The following PDXK variants were observed in gnomAD, a reference collection of about 807,000 sequenced individuals.
PDXK encodes pyridoxal kinase.
In PDXK, 15 loss-of-function variants were observed where a neutral mutation model predicts 43.2. The observed-to-expected ratio is 0.35, with a 90% CI of 0.23 to 0.53. The LOEUF (loss-of-function observed/expected upper bound fraction) is 0.53, where lower values mean the gene tolerates loss of function less well. Among genes scored for constraint, PDXK ranks in the 20% least tolerant of loss-of-function variants. The pLI is 0.92. For synonymous variants in PDXK, 172 were observed against 165.4 expected (o/e 1.04, Z -0.31); for missense variants, 343 against 417.0 (o/e 0.82, Z 1.54).
At position 43,719,390 on chromosome 21, in the gene PDXK, C is replaced by A; in HGVS notation, c.87+9C>A. The A allele has an allele frequency of 6.6e-7, 1 of 1,519,920 alleles. No homozygotes were observed. The highest frequency in any genetic ancestry group is 8.8e-7 in the Non-Finnish European group (1 of 1,134,176). The allele number at this position is 1,519,920 out of a possible 1,614,324, so 94.2% of individuals were successfully genotyped here. ...CCACGTTCCCGCTGCAGGTACGCATCCGCCCGCAGCCCGGGCTTACGTAAC... is the reference window on the plus strand; with the variant it reads ...CCACGTTCCCGCTGCAGGTACGCATACGCCCGCAGCCCGGGCTTACGTAAC... On this transcript the variant is annotated intron_variant, in intron 1 of 10. Transcript: ENST00000291565.
chr21:43,719,551 C>CG (rs1490456343), intron 1 of PDXK, 170 bp downstream of exon 1: 9 of 965,730 alleles, frequency 9.3e-6, no homozygotes, highest in Non-Finnish European at 9.9e-6. Context: ...GCTTGGCTTG[C>CG]GGGGGCGGAA....
At chr21:43,736,438 A>G (rs980209452) in intron 2 of PDXK, among the ~76,000 whole-genome samples, 7 of 152,058 alleles carry the variant, frequency 4.6e-5, no homozygotes, top group Non-Finnish European at 1.0e-4. Context: ...AGCCGTGCGG[A>G]CACTCGGGCC....
In PDXK at chr21:43,732,633, G is replaced by A. The variant is rs1429534086; in HGVS notation, c.88-1436G>A. ...TTTGTGTCATCGTTGCTTAATATCT[G>A]TTTCTTCACAGTCGGTTAGAATTTT... On this transcript the variant is annotated intron_variant, in intron 1 of 10. Coordinates refer to ENST00000291565, the MANE Select transcript of PDXK (RefSeq NM_003681.5). This position sits in a 1 kb window ranked among gnomAD's most constrained non-coding sequence, Gnocchi z 4.1. 1.3e-6 allele frequency: 1 copy of A among 782,644 alleles called. No individual in the cohort carries two copies. The highest frequency in any genetic ancestry group is 1.3e-5 in the South Asian group (1 of 74,664). 48.5% of individuals were successfully genotyped at this position (782,644 alleles called of 1,614,324 possible). A position where few individuals can be genotyped will look rare whatever the true frequency, so the allele number is the denominator to read the frequency against.
At chr21:43,742,613 G>C (rs997850265) in intron 3 of PDXK, among the ~76,000 whole-genome samples, 1 of 152,114 alleles carries the variant, frequency 6.6e-6, no homozygotes, top group Admixed American at 6.5e-5. Flanking sequence ...ACAGGGGCTC[G>C]AACCTGTAAT....
At chr21:43,728,994 G>C (rs1164972097) in intron 1 of PDXK, 2 of 985,544 alleles carry the variant, frequency 2.0e-6, no homozygotes, top group Non-Finnish European at 2.4e-6. Flanking sequence ...GGCAGGAGAC[G>C]GGGCGCACGC....
In PDXK at chr21:43,758,133, C is replaced by G. The variant is rs1229636886; in HGVS notation, c.*2070C>G. On this transcript the variant is annotated 3_prime_UTR_variant, in exon 11 of 11. Transcript: ENST00000291565. ...CCTTCTGCCCCTGCAGTGGGTGTTACGGGCGGTGTGCCCTGGCGAGCAAGC... is the reference window on the plus strand; with the variant it reads ...CCTTCTGCCCCTGCAGTGGGTGTTAGGGGCGGTGTGCCCTGGCGAGCAAGC... 6.5e-6 allele frequency: 1 copy of G among 153,672 alleles called. No homozygotes were observed. The highest frequency in any genetic ancestry group is 1.5e-5 in the Non-Finnish European group (1 of 68,034). 9.5% of individuals were successfully genotyped at this position (153,672 alleles called of 1,614,324 possible).
intron 6 of PDXK, 127 bp downstream of exon 6, chr21:43,749,207 C>T: frequency 1.9e-6 from 1 of 523,656 alleles, no homozygotes; most frequent in South Asian, 2.2e-5. Flanking sequence ...GGGGTTCAAG[C>T]AATTCTCCTG....
chr21:43,721,274 C>A (rs959688549), intron 1 of PDXK, among the ~76,000 whole-genome samples: 1 of 152,224 alleles, frequency 6.6e-6, no homozygotes, highest in Non-Finnish European at 1.5e-5. Flanking sequence ...AGCTGCAGTT[C>A]CAAGGGGACG....
In PDXK at chr21:43,757,689, C is replaced by G. The variant is rs2083873963; in HGVS notation, c.*1626C>G. 1 of 152,186 alleles carries G rather than the reference C, an allele frequency of 6.6e-6. No individual in the cohort carries two copies. The highest frequency in any genetic ancestry group is 2.4e-5 in the African/African-American group (1 of 41,434). 9.4% of individuals were successfully genotyped at this position (152,186 alleles called of 1,614,324 possible). A position where few individuals can be genotyped will look rare whatever the true frequency, so the allele number is the denominator to read the frequency against. ...GCATCAGGGCGCCTGGCTCCCCCAC[C>G]TCAGCCAGTGAGTCAGACACGGGTT... is the stretch of plus-strand genomic sequence containing the variant. On this transcript the variant is annotated 3_prime_UTR_variant, in exon 11 of 11. Coordinates refer to ENST00000291565, the MANE Select transcript of PDXK (RefSeq NM_003681.5).
At chr21:43,755,535 G>T in intron 9 of PDXK, 163 bp from the exon 10 acceptor site, 1 of 668,200 alleles carries the variant, frequency 1.5e-6, no homozygotes. Flanking sequence ...GCAGTCCGCA[G>T]CCTGTCCTCC....
Position 43,734,049 on chromosome 21 carries a change from G to C in PDXK, c.88-20G>C, listed in dbSNP as rs753070924. 6.2e-7 allele frequency: 1 copy of C among 1,613,866 alleles called. No homozygotes were observed. The highest frequency in any genetic ancestry group is 8.5e-7 in the Non-Finnish European group (1 of 1,179,742). ...AGACCTGGCTCTCTTACGCCTACCT[G>C]TTCCTTCTCTGTCTTGCAGGTTTTG... On this transcript the variant is annotated intron_variant, in intron 1 of 10. Coordinates refer to ENST00000291565, the MANE Select transcript of PDXK (RefSeq NM_003681.5). This position sits in a 1 kb window ranked among gnomAD's most constrained non-coding sequence, Gnocchi z 5.0.
In PDXK at chr21:43,753,651, G is replaced by T; in HGVS notation, c.691G>T (p.Val231Leu). The T allele has an allele frequency of 6.2e-7, 1 of 1,613,826 alleles. No homozygotes were observed. The highest frequency in any genetic ancestry group is 8.5e-7 in the Non-Finnish European group (1 of 1,179,822). The change falls in exon 9 of 11, where the codon GTG becomes TTG. Residue 231 changes from valine to leucine, a missense_variant. By Grantham distance (32) the Val-to-Leu change is conservative (BLOSUM62 1). Coordinates refer to ENST00000291565, the MANE Select transcript of PDXK (RefSeq NM_003681.5). Reference protein sequence around the residue: ...MDIRKVDAVFVGTGDLFAAML... With the variant: ...MDIRKVDAVFLGTGDLFAAML... ...CATTCGCAAAGTGGACGCCGTCTTT[G>T]TGGGCACTGGGGACCTGTTTGCTGC...
At position 43,723,865 on chromosome 21, in the gene PDXK, A is replaced by G. The variant is rs2083228315; in HGVS notation, c.87+4484A>G. On this transcript the variant is annotated intron_variant, in intron 1 of 10. Coordinates refer to ENST00000291565, the MANE Select transcript of PDXK (RefSeq NM_003681.5). The surrounding 1 kb of genome is among the most constrained non-coding windows in gnomAD (Gnocchi z 4.1). ...TGCCAGGCACTGCCGCCTGGGACAC[A>G]TGTGACCTCCGTGCTGCAGGACCAC... 1 of 152,278 alleles carries G rather than the reference A, an allele frequency of 6.6e-6. No homozygotes were observed. Among genetic ancestry groups the G allele is most frequent in the Admixed American group, 6.5e-5 (1 of 15,286 alleles). 9.4% of individuals were successfully genotyped at this position (152,278 alleles called of 1,614,324 possible).
At chr21:43,741,981 C>T (rs1371621428) in intron 3 of PDXK, among the ~76,000 whole-genome samples, 2 of 152,072 alleles carry the variant, frequency 1.3e-5, no homozygotes, top group Admixed American at 1.3e-4. Context: ...ACTGCCCAGG[C>T]TGTGCCAAGT....
At chr21:43,722,154 G>A (rs563555517) in intron 1 of PDXK, among the ~76,000 whole-genome samples, 109 of 152,330 alleles carry the variant, frequency 7.2e-4, no homozygotes, top group African/African-American at 2.6e-3. Flanking sequence ...GCTCTGGCTT[G>A]GATTCTAGAC....
rs928771494 is a variant in PDXK, at chr21:43,719,794, C to T, written c.87+413C>T. 9.1e-6 allele frequency: 9 copies of T among 985,366 alleles called. No individual in the cohort carries two copies. The African/African-American group carries it at 1.6e-4, about 17-fold the overall frequency. The allele number at this position is 985,366 out of a possible 1,614,324, so 61.0% of individuals were successfully genotyped here. A position where few individuals can be genotyped will look rare whatever the true frequency, so the allele number is the denominator to read the frequency against. ...GCAGTCACGCGAGCCGGGACCTTGC[C>T]CCGCTGGAACGCAGAAGCGGCCGTG... On this transcript the variant is annotated intron_variant, in intron 1 of 10. Coordinates refer to ENST00000291565, the MANE Select transcript of PDXK (RefSeq NM_003681.5).
intron 2 of PDXK, 42 bp from the exon 3 acceptor site, chr21:43,741,625 G>T (rs534835062): frequency 1.3e-6 from 2 of 1,596,722 alleles, no homozygotes; most frequent in East Asian, 4.5e-5. Context: ...GCCCCAGCTG[G>T]CCCCCTTGTG....
chr21:43,749,042 G>A lies in PDXK; in HGVS notation c.426G>A (p.Pro142=), dbSNP rs61737062. Residue 142 remains proline (P), a synonymous_variant, in exon 6 of 11, where the codon CCG becomes CCA. Coordinates refer to ENST00000291565, the MANE Select transcript of PDXK (RefSeq NM_003681.5). ...CCGTCTACAAAGAAAAAGTGGTGCC[G>A]CTTGCAGACATTATCACGCCCAACC... ...LLPVYKEKVV[P]LADIITPNQF... 25,222 of 1,611,278 alleles carry A rather than the reference G, an allele frequency of 0.016. 264 individuals are homozygous for A. The highest frequency in any genetic ancestry group is 0.025 in the Middle Eastern group (149 of 6,058).
chr21:43,750,591 C>A, intron 7 of PDXK, 46 bp downstream of exon 7: 1 of 1,493,542 alleles, frequency 6.7e-7, no homozygotes, highest in African/African-American at 1.4e-5. Context: ...GTGCCGCTCA[C>A]GGTGGGGACG....
Sources: gnomAD v4.1 joint callset for allele counts (sites outside exome capture counted in the v4.1 genomes callset) on GRCh38, gnomAD v4.1.1 for gene constraint, Gnocchi (gnomAD v3.1) non-coding constraint, MANE v1.5 for transcripts, NCBI Gene and HGNC (gene_info 2026-07-23, HGNC 2026-07-21) for gene names.